Variants in PDE4B observed in about 807,000 individuals in gnomAD.
PDE4B encodes the protein 3',5'-cyclic-AMP phosphodiesterase 4B.
PDE4B carries 20 observed loss-of-function variants against 82.2 expected under a neutral mutation model. The ratio of observed to expected loss-of-function variants is 0.24; its 90% CI spans 0.17 to 0.35. The LOEUF is 0.35. Ranked by LOEUF, PDE4B falls within the 10% of genes least tolerant of loss-of-function variation. The probability of loss-of-function intolerance (pLI) is 1.00; values close to 1 mark genes in which losing one functional copy is unlikely to be tolerated. For synonymous variants in PDE4B, 320 were observed against 318.9 expected, an observed-to-expected ratio of 1.00 and a Z score of -0.04; for missense variants, 655 against 907.2, an observed-to-expected ratio of 0.72 and a Z score of 3.57.
chr1:66,321,362 A>G (rs543013986), intron 7 of PDE4B, among the ~76,000 whole-genome samples: 7 of 152,262 alleles, frequency 4.6e-5, no homozygotes, highest in Admixed American at 3.3e-4. Context: ...AAATCCATTT[A>G]CCTCTCTTCA....
chr1:66,230,743 T>A (rs1651882166), intron 3 of PDE4B, among the ~76,000 whole-genome samples: 1 of 152,142 alleles, frequency 6.6e-6, no homozygotes, highest in Non-Finnish European at 1.5e-5. Flanking sequence ...CATCTTGCAA[T>A]TCAATGTTAA....
intron 3 of PDE4B, among the ~76,000 whole-genome samples, chr1:66,100,115 G>A (rs1340193439): frequency 1.3e-5 from 2 of 151,898 alleles, no homozygotes; most frequent in Non-Finnish European, 2.9e-5. Context: ...GTTCTGTGGT[G>A]GGATCTCGGC....
intron 1 of PDE4B, among the ~76,000 whole-genome samples, chr1:65,864,802 C>A (rs1646492803): frequency 6.6e-6 from 1 of 152,176 alleles, no homozygotes; most frequent in Non-Finnish European, 1.5e-5. Flanking sequence ...TGTCTGTCGA[C>A]CCCTGTTGGG....
chr1:65,950,108 G>A (rs1239722254), intron 3 of PDE4B, among the ~76,000 whole-genome samples: 1 of 152,046 alleles, frequency 6.6e-6, no homozygotes, highest in African/African-American at 2.4e-5. Context: ...AATTTACTTT[G>A]TTGATTAATA....
At chr1:66,118,655 T>A (rs959832076) in intron 3 of PDE4B, among the ~76,000 whole-genome samples, 1 of 152,140 alleles carries the variant, frequency 6.6e-6, no homozygotes, top group African/African-American at 2.4e-5. Flanking sequence ...ACATGGTACA[T>A]GTATACATAT....
At chr1:66,057,436 C>T (rs1655360927) in intron 3 of PDE4B, among the ~76,000 whole-genome samples, 1 of 152,112 alleles carries the variant, frequency 6.6e-6, no homozygotes, top group Admixed American at 6.5e-5. Context: ...AGTATGAAGA[C>T]ATAAACAATT....
intron 7 of PDE4B, among the ~76,000 whole-genome samples, chr1:66,319,043 T>C (rs138913043): frequency 2.0e-5 from 3 of 152,354 alleles, no homozygotes; most frequent in East Asian, 1.9e-4. Context: ...AAAGCGCATG[T>C]CAACTGGTAA....
intron 7 of PDE4B, among the ~76,000 whole-genome samples, chr1:66,327,411 A>T (rs1659817934): frequency 6.6e-6 from 1 of 152,236 alleles, no homozygotes; most frequent in Admixed American, 6.5e-5. Flanking sequence ...GGAGTCAACA[A>T]TGGTGATCTC....
intron 3 of PDE4B, among the ~76,000 whole-genome samples, chr1:66,247,088 G>A (rs951513967): frequency 2.6e-5 from 4 of 152,168 alleles, no homozygotes; most frequent in Non-Finnish European, 5.9e-5. Flanking sequence ...TGTGCTGAAT[G>A]CCCCCTCTAA....
At chr1:65,999,034 A>G (rs991061528) in intron 3 of PDE4B, among the ~76,000 whole-genome samples, 2 of 152,130 alleles carry the variant, frequency 1.3e-5, no homozygotes, top group Non-Finnish European at 2.9e-5. Flanking sequence ...CAAGTCTTCA[A>G]TATATTGGAT....
intron 7 of PDE4B, among the ~76,000 whole-genome samples, chr1:66,294,228 CTG>C (rs1177774278): frequency 6.6e-6 from 1 of 151,904 alleles, no homozygotes; most frequent in African/African-American, 2.4e-5. Flanking sequence ...AAAAAAAAAT[CTG>C]TGATTTTATT....
chr1:65,918,907 T>G, intron 3 of PDE4B, 72 bp downstream of exon 3: 1 of 935,310 alleles, frequency 1.1e-6, no homozygotes, highest in Non-Finnish European at 1.7e-6. Context: ...AATTTCATAG[T>G]ATTAAAATGT....
chr1:65,976,645 G>T (rs1017977722), intron 3 of PDE4B, among the ~76,000 whole-genome samples: 1 of 152,068 alleles, frequency 6.6e-6, no homozygotes, highest in Non-Finnish European at 1.5e-5. Flanking sequence ...GATTATGGGG[G>T]CAGATTTCCC....
chr1:66,337,261 T>G (rs1321658811), intron 8 of PDE4B, among the ~76,000 whole-genome samples: 1 of 152,198 alleles, frequency 6.6e-6, no homozygotes, highest in Non-Finnish European at 1.5e-5. Flanking sequence ...AGCCTGGCCT[T>G]CCTTCTGCTG....
intron 3 of PDE4B, among the ~76,000 whole-genome samples, chr1:66,053,305 A>G (rs1352062762): frequency 6.6e-6 from 1 of 152,236 alleles, no homozygotes; most frequent in Non-Finnish European, 1.5e-5. Context: ...TTTAAGCCTC[A>G]ATCTATGAAG....
intron 1 of PDE4B, among the ~76,000 whole-genome samples, chr1:65,829,469 G>A (rs1557768054): frequency 6.6e-6 from 1 of 152,100 alleles, no homozygotes; most frequent in Non-Finnish European, 1.5e-5. Flanking sequence ...CCTTTATAGA[G>A]CACTCCAATC....
intron 7 of PDE4B, among the ~76,000 whole-genome samples, chr1:66,304,226 A>G (rs1413185820): frequency 6.6e-6 from 1 of 152,162 alleles, no homozygotes; most frequent in East Asian, 1.9e-4. Context: ...TTGACAAGAG[A>G]TAAACATTAC....
chr1:66,370,512 C>T (rs146877382), intron 16 of PDE4B, among the ~76,000 whole-genome samples: 1 of 152,302 alleles, frequency 6.6e-6, no homozygotes, highest in African/African-American at 2.4e-5. Context: ...CTTCACTCTC[C>T]ATCTTAGGGA....
chr1:65,836,871 T>C (rs986202439), intron 1 of PDE4B, among the ~76,000 whole-genome samples: 1 of 152,212 alleles, frequency 6.6e-6, no homozygotes, highest in Admixed American at 6.5e-5. Flanking sequence ...TTCTCCATTC[T>C]TCCTTCCTAT....
Sources: gnomAD v4.1 joint callset for allele counts (sites outside exome capture counted in the v4.1 genomes callset) on GRCh38, gnomAD v4.1.1 for gene constraint, MANE v1.5 for transcripts, NCBI Gene and HGNC (gene_info 2026-07-23, HGNC 2026-07-21) for gene names.